THRB: variants seen among roughly 807,000 people sequenced by gnomAD.
THRB encodes nuclear receptor subfamily 1 group A member 2.
In THRB, 12 loss-of-function variants were observed where a neutral mutation model predicts 47.8. That is an observed-to-expected ratio of 0.25 (90% confidence interval 0.16 to 0.41). The LOEUF (loss-of-function observed/expected upper bound fraction) is 0.41. Among genes scored for constraint, THRB ranks in the 10% least tolerant of loss-of-function variants. The pLI, the probability that THRB is intolerant of heterozygous loss-of-function variation, is 1.00. For synonymous variants in THRB, 218 were observed against 212.2 expected (o/e 1.03, Z -0.24); for missense variants, 348 against 589.2 (o/e 0.59, Z 4.24).
intron 1 of THRB, among the ~76,000 whole-genome samples, chr3:24,435,114 T>C (rs1434785513): frequency 6.6e-6 from 1 of 152,150 alleles, no homozygotes; most frequent in East Asian, 1.9e-4. Context: ...CAAGTGGTTG[T>C]TGGAGAGACA....
intron 4 of THRB, among the ~76,000 whole-genome samples, chr3:24,227,883 G>C (rs1363356275): frequency 2.6e-5 from 4 of 152,168 alleles, no homozygotes; most frequent in Non-Finnish European, 5.9e-5. Flanking sequence ...TGCTAGGCTG[G>C]AAGGTATATA....
chr3:24,381,952 A>G (rs1344287986), intron 1 of THRB, among the ~76,000 whole-genome samples: 1 of 152,174 alleles, frequency 6.6e-6, no homozygotes, highest in Admixed American at 6.6e-5. Context: ...CATAGCAACT[A>G]TGTAAAGATT....
intron 2 of THRB, among the ~76,000 whole-genome samples, chr3:24,330,830 A>C (rs2061875744): frequency 6.6e-6 from 1 of 152,202 alleles, no homozygotes; most frequent in South Asian, 2.1e-4. Flanking sequence ...AAAATAAGAA[A>C]ACCAAGTTAT....
chr3:24,165,291 G>C, intron 5 of THRB: 1 of 765,108 alleles, frequency 1.3e-6, no homozygotes, highest in Non-Finnish European at 2.4e-6. Context: ...TCAGTGGACT[G>C]CATGTAGCAA....
At chr3:24,372,773 C>A (rs1577159869) in intron 1 of THRB, among the ~76,000 whole-genome samples, 3 of 152,188 alleles carry the variant, frequency 2.0e-5, no homozygotes, top group African/African-American at 7.2e-5. Context: ...TCACACAGTA[C>A]ATAGAGCTGG....
intron 3 of THRB, among the ~76,000 whole-genome samples, chr3:24,293,874 C>T (rs2056194850): frequency 6.6e-6 from 1 of 152,188 alleles, no homozygotes; most frequent in African/African-American, 2.4e-5. Flanking sequence ...TTCTTACCAA[C>T]CATCTTGTTT....
chr3:24,270,964 C>T (rs6550855), intron 3 of THRB, among the ~76,000 whole-genome samples: 1 of 152,130 alleles, frequency 6.6e-6, no homozygotes, highest in Non-Finnish European at 1.5e-5. Flanking sequence ...AGGCTCCCCC[C>T]CTTTCCAAAA....
rs561261630 is a variant in THRB, at chr3:24,420,784, T to C, written c.-261+73868A>G. On this transcript the variant is annotated intron_variant, in intron 1 of 10. Transcript: ENST00000646209. ...ATTACTACAACCATTGTGGAAGAAA[T>C]TGTGGTGATTTCCCAAAGACCTAAA... Among the ~76,000 whole-genome samples, 26 of 151,938 alleles carry C rather than the reference T, an allele frequency of 1.7e-4. 1 individual carries two copies. The South Asian group carries it at 3.5e-3, about 21-fold the overall frequency.
chr3:24,299,478 G>T (rs1411787753), intron 2 of THRB, among the ~76,000 whole-genome samples: 1 of 151,912 alleles, frequency 6.6e-6, no homozygotes, highest in Non-Finnish European at 1.5e-5. Context: ...TAACTTATTT[G>T]TAAGTGTCCT....
intron 5 of THRB, among the ~76,000 whole-genome samples, chr3:24,163,383 C>A (rs1435672626): frequency 6.6e-6 from 1 of 151,930 alleles, no homozygotes; most frequent in Non-Finnish European, 1.5e-5. Context: ...AATAAAGAAC[C>A]CCTGGTTTAA....
intron 3 of THRB, among the ~76,000 whole-genome samples, chr3:24,283,862 C>A (rs2054920449): frequency 6.6e-6 from 1 of 150,620 alleles, no homozygotes; most frequent in East Asian, 2.0e-4. Flanking sequence ...ACCTAGGAAT[C>A]CAACTTACAA....
intron 4 of THRB, among the ~76,000 whole-genome samples, chr3:24,211,108 G>A (rs1215623075): frequency 2.7e-5 from 4 of 150,736 alleles, no homozygotes; most frequent in African/African-American, 7.4e-5. Flanking sequence ...GCTGAGGCCG[G>A]AGAATCACTT....
rs2031917704 is a variant in THRB at position 24,122,737 on chromosome 3, T to C, written c.*147A>G. The C allele has an allele frequency of 3.5e-6, 4 of 1,129,494 alleles. No homozygotes were observed. Among genetic ancestry groups the C allele is most frequent in the Non-Finnish European group, 5.2e-6 (4 of 768,866 alleles). The allele number at this position is 1,129,494 out of a possible 1,614,324, so 70.0% of individuals were successfully genotyped here. On this transcript the variant is annotated 3_prime_UTR_variant, in exon 11 of 11. Coordinates refer to ENST00000646209, the MANE Select transcript of THRB (RefSeq NM_001354712.2). ...AAGTACCCGCATTCAAGGGGCAATT[T>C]CATCCATGTCTATGCCAAGGACTAC...
At chr3:24,137,743 G>C (rs1424653729) in intron 8 of THRB, among the ~76,000 whole-genome samples, 1 of 152,160 alleles carries the variant, frequency 6.6e-6, no homozygotes, top group African/African-American at 2.4e-5. Context: ...CTACTGAAGG[G>C]CTGTAAACAG....
chr3:24,285,912 C>A (rs997808590), intron 3 of THRB, among the ~76,000 whole-genome samples: 2 of 152,192 alleles, frequency 1.3e-5, no homozygotes, highest in Admixed American at 1.3e-4. Context: ...AAGCACTAAC[C>A]CCCAATGTGA....
chr3:24,473,835 G>C (rs1361148335), intron 1 of THRB, among the ~76,000 whole-genome samples: 1 of 152,058 alleles, frequency 6.6e-6, no homozygotes, highest in Non-Finnish European at 1.5e-5. Flanking sequence ...AACTATCACA[G>C]GAACAGAAAA....
chr3:24,261,407 G>A (rs901735065), intron 3 of THRB, among the ~76,000 whole-genome samples: 2 of 150,112 alleles, frequency 1.3e-5, no homozygotes, highest in East Asian at 2.0e-4. Context: ...GCTGAGGCAG[G>A]AGAATCACTT....
intron 3 of THRB, among the ~76,000 whole-genome samples, chr3:24,234,557 A>G (rs1275378531): frequency 6.6e-6 from 1 of 152,250 alleles, no homozygotes; most frequent in East Asian, 1.9e-4. Flanking sequence ...TGCCCCATTA[A>G]TCCCATCAGA....
intron 10 of THRB, among the ~76,000 whole-genome samples, chr3:24,124,081 T>C (rs1342636613): frequency 1.3e-5 from 2 of 152,222 alleles, no homozygotes; most frequent in Non-Finnish European, 2.9e-5. Flanking sequence ...CAGTTTGTTC[T>C]TTGTGGCTCT....
Sources: allele counts gnomAD v4.1 joint callset (sites outside exome capture counted in the v4.1 genomes callset), GRCh38; gene constraint gnomAD v4.1.1; transcripts MANE v1.5; gene names NCBI Gene and HGNC (gene_info 2026-07-23, HGNC 2026-07-21).